SPTLC3: variants seen among roughly 807,000 people sequenced by gnomAD.
SPTLC3 encodes serine palmitoyltransferase long chain base subunit 3.
A neutral mutation model predicts 59.3 loss-of-function variants in SPTLC3; 36 were observed. The observed-to-expected ratio is 0.61, with a 90% CI of 0.47 to 0.80. SPTLC3 has a LOEUF of 0.80. SPTLC3 is among the 30% of genes least tolerant of loss of function. The pLI, the probability that SPTLC3 is intolerant of heterozygous loss-of-function variation, is 0.00. For missense variants in SPTLC3, 625 were observed against 685.1 expected (o/e 0.91, Z 0.98); for synonymous variants, 257 against 240.8 (o/e 1.07, Z -0.62).
At chr20:13,057,248 A>C (rs1376591369) in intron 2 of SPTLC3, among the ~76,000 whole-genome samples, 4 of 152,210 alleles carry the variant, frequency 2.6e-5, no homozygotes, top group Non-Finnish European at 4.4e-5. Context: ...ACTGCCCCAC[A>C]TGACAAGCCA....
At chr20:13,110,578 G>A (rs1304054825) in intron 7 of SPTLC3, among the ~76,000 whole-genome samples, 1 of 152,170 alleles carries the variant, frequency 6.6e-6, no homozygotes, top group Non-Finnish European at 1.5e-5. Context: ...CTTTATGACT[G>A]GTAGAAATTG....
intron 5 of SPTLC3, among the ~76,000 whole-genome samples, chr20:13,092,205 A>G (rs1446613504): frequency 6.6e-6 from 1 of 152,216 alleles, no homozygotes; most frequent in African/African-American, 2.4e-5. Context: ...GGTTTGGAGG[A>G]ACTAGAATAT....
intron 4 of SPTLC3, among the ~76,000 whole-genome samples, chr20:13,078,332 G>T (rs959555462): frequency 6.6e-6 from 1 of 150,712 alleles, no homozygotes; most frequent in Non-Finnish European, 1.5e-5. Flanking sequence ...GTTCAATAAG[G>T]AGATAATTTA....
intron 7 of SPTLC3, among the ~76,000 whole-genome samples, chr20:13,114,977 C>T (rs1192310675): frequency 2.0e-5 from 3 of 152,190 alleles, no homozygotes; most frequent in Non-Finnish European, 4.4e-5. Context: ...AAGAATAATT[C>T]AAGTCCCTGC....
chr20:13,103,214 T>C (rs1989681256), intron 6 of SPTLC3, among the ~76,000 whole-genome samples: 1 of 152,184 alleles, frequency 6.6e-6, no homozygotes, highest in African/African-American at 2.4e-5. Context: ...AAAATAATTG[T>C]TTTGCTTGAC....
intron 9 of SPTLC3, among the ~76,000 whole-genome samples, chr20:13,146,928 C>T (rs1363611655): frequency 6.6e-6 from 1 of 152,220 alleles, no homozygotes; most frequent in Admixed American, 6.5e-5. Flanking sequence ...ATCTCCAAGC[C>T]TCTGTTTCCT....
intron 1 of SPTLC3, among the ~76,000 whole-genome samples, chr20:13,032,016 A>G (rs1568570761): frequency 6.6e-6 from 1 of 152,164 alleles, no homozygotes; most frequent in Non-Finnish European, 1.5e-5. Context: ...TTGGAATAGC[A>G]TGTAAGTAAA....
At chr20:13,129,498 C>G (rs113680955) in intron 9 of SPTLC3, among the ~76,000 whole-genome samples, 1 of 152,204 alleles carries the variant, frequency 6.6e-6, no homozygotes, top group African/African-American at 2.4e-5. Context: ...TGCAAGTTAA[C>G]TGAATTGTCT....
At chr20:13,065,399 A>T (rs981614212) in intron 2 of SPTLC3, among the ~76,000 whole-genome samples, 1 of 148,838 alleles carries the variant, frequency 6.7e-6, no homozygotes, top group African/African-American at 2.5e-5. Context: ...TTCTATTATT[A>T]TTTATGTACC....
intron 2 of SPTLC3, among the ~76,000 whole-genome samples, chr20:13,054,961 A>T (rs1338057429): frequency 6.6e-6 from 1 of 152,184 alleles, no homozygotes; most frequent in Non-Finnish European, 1.5e-5. Context: ...GCAAAGTGAC[A>T]AGAAAAAAAG....
At position 13,038,045 on chromosome 20, in the gene SPTLC3, A is replaced by AATAT. The variant is rs74181398; in HGVS notation, c.118-10888_118-10885dup. Reference sequence around the variant, plus strand: ...GCTGGAAAATACAGAGAAAATCATGAATATATATATATATAATATATCTTC... The same window carrying AATAT: ...GCTGGAAAATACAGAGAAAATCATGAATATATATATATATATATAATATATCTTC... On this transcript the variant is annotated intron_variant, in intron 1 of 11. Coordinates refer to ENST00000399002, the MANE Select transcript of SPTLC3 (RefSeq NM_018327.4). Among the ~76,000 whole-genome samples, 1,086 of 139,606 alleles carry AATAT rather than the reference A, an allele frequency of 7.8e-3. 30 individuals are homozygous for AATAT. Among genetic ancestry groups the AATAT allele is most frequent in the African/African-American group, 0.028 (1,005 of 36,526 alleles). The allele number at this position is 139,606 out of a possible 152,430, so 91.6% of individuals were successfully genotyped here.
chr20:13,160,415 T>C (rs2038872122), intron 11 of SPTLC3, among the ~76,000 whole-genome samples: 1 of 152,220 alleles, frequency 6.6e-6, no homozygotes, highest in African/African-American at 2.4e-5. Context: ...ATTTACTTGA[T>C]CTTAAATGCA....
chr20:13,157,701 C>A (rs1401245738), intron 10 of SPTLC3, among the ~76,000 whole-genome samples: 1 of 151,818 alleles, frequency 6.6e-6, no homozygotes, highest in East Asian at 1.9e-4. Flanking sequence ...GGAAACAGAA[C>A]AGGTTAGTTA....
At chr20:13,026,326 C>T (rs1290024656) in intron 1 of SPTLC3, among the ~76,000 whole-genome samples, 1 of 152,150 alleles carries the variant, frequency 6.6e-6, no homozygotes, top group Non-Finnish European at 1.5e-5. Context: ...AATGGTTGAA[C>T]TAATTTACAC....
Position 13,009,235 on chromosome 20 carries a change from A to T in SPTLC3, c.-33A>T. The T allele has an allele frequency of 6.3e-7, 1 of 1,593,566 alleles. No individual in the cohort carries two copies. The highest frequency in any genetic ancestry group is 8.6e-7 in the Non-Finnish European group (1 of 1,161,770). ...TAAAGCCTGCAGAGACCTCTGAAGG[A>T]AAACCTGTCCCGGGCTCTGTCACTT... On this transcript the variant is annotated 5_prime_UTR_variant, in exon 1 of 12. Transcript: ENST00000399002.
intron 2 of SPTLC3, among the ~76,000 whole-genome samples, chr20:13,058,521 C>A (rs1290364837): frequency 1.3e-5 from 2 of 152,190 alleles, no homozygotes; most frequent in Non-Finnish European, 2.9e-5. Context: ...AATACCTAGG[C>A]TTTTCTCACA....
intron 7 of SPTLC3, among the ~76,000 whole-genome samples, chr20:13,114,899 T>A (rs914533488): frequency 6.6e-6 from 1 of 152,140 alleles, no homozygotes; most frequent in African/African-American, 2.4e-5. Flanking sequence ...AAAAGGAGGC[T>A]TTTCACTTAG....
At chr20:13,101,124 C>G (rs1303014147) in intron 6 of SPTLC3, among the ~76,000 whole-genome samples, 1 of 152,134 alleles carries the variant, frequency 6.6e-6, no homozygotes, top group Non-Finnish European at 1.5e-5. Flanking sequence ...CACTGTTATC[C>G]CTACCTGTGG....
chr20:13,111,911 A>G (rs1367286285), intron 7 of SPTLC3, among the ~76,000 whole-genome samples: 1 of 152,058 alleles, frequency 6.6e-6, no homozygotes, highest in African/African-American at 2.4e-5. Flanking sequence ...CAGAGAAACA[A>G]CTCCAGCAGC....
Sources: gnomAD v4.1 joint callset for allele counts (sites outside exome capture counted in the v4.1 genomes callset) on GRCh38, gnomAD v4.1.1 for gene constraint, MANE v1.5 for transcripts, NCBI Gene and HGNC (gene_info 2026-07-23, HGNC 2026-07-21) for gene names.